Variants in PITPNC1 observed in about 807,000 individuals in gnomAD.
The protein encoded by PITPNC1 is phosphatidylinositol transfer protein cytoplasmic 1, also known as cytoplasmic phosphatidylinositol transfer protein 1.
In PITPNC1, 18 loss-of-function variants were observed where a neutral mutation model predicts 44.7. That is an observed-to-expected ratio of 0.40 (90% confidence interval 0.28 to 0.60). PITPNC1 has a LOEUF of 0.60. Ranked by LOEUF, PITPNC1 falls within the 20% of genes least tolerant of loss-of-function variation. The pLI, the probability that PITPNC1 is intolerant of heterozygous loss-of-function variation, is 0.39. For synonymous variants in PITPNC1, 141 were observed against 149.6 expected (o/e 0.94, Z 0.42); for missense variants, 290 against 418.4 (o/e 0.69, Z 2.68).
At chr17:67,425,241 A>ACACACG (rs2038743237) in intron 1 of PITPNC1, among the ~76,000 whole-genome samples, 2 of 140,226 alleles carry the variant, frequency 1.4e-5, no homozygotes, top group Admixed American at 7.2e-5. Flanking sequence ...ACACACACAC[A>ACACACG]CACACACACA....
intron 2 of PITPNC1, among the ~76,000 whole-genome samples, chr17:67,539,763 G>A (rs941816528): frequency 2.0e-5 from 3 of 152,052 alleles, no homozygotes; most frequent in African/African-American, 4.8e-5. Context: ...GCGTGAACCC[G>A]GGAGGTGGAG....
At chr17:67,426,785 TATC>T (rs931683836) in intron 1 of PITPNC1, among the ~76,000 whole-genome samples, 2 of 152,190 alleles carry the variant, frequency 1.3e-5, no homozygotes, top group African/African-American at 2.4e-5. Context: ...CATATTTATG[TATC>T]ATCATGATTT....
intron 2 of PITPNC1, among the ~76,000 whole-genome samples, chr17:67,548,694 A>T (rs1201727011): frequency 6.6e-6 from 1 of 152,126 alleles, no homozygotes; most frequent in Non-Finnish European, 1.5e-5. Context: ...TTGTGGTATC[A>T]TTTTGCCCCT....
At chr17:67,472,082 G>A (rs911522193) in intron 1 of PITPNC1, among the ~76,000 whole-genome samples, 1 of 151,944 alleles carries the variant, frequency 6.6e-6, no homozygotes, top group Non-Finnish European at 1.5e-5. Context: ...CCCCAGAGGT[G>A]AAATGGCCTT....
intron 1 of PITPNC1, among the ~76,000 whole-genome samples, chr17:67,447,846 C>CTCTT (rs752331834): frequency 5.2e-4 from 76 of 147,328 alleles, no homozygotes; most frequent in Non-Finnish European, 9.0e-4. Context: ...TCCCAGCTAT[C>CTCTT]TCTTTCTTTC....
chr17:67,408,803 G>T (rs2038445440), intron 1 of PITPNC1: 1 of 39,926 alleles, frequency 2.5e-5, no homozygotes, highest in Non-Finnish European at 4.8e-5. Context: ...AGTAAGAAAG[G>T]GGGAAAGAAT....
intron 8 of PITPNC1, among the ~76,000 whole-genome samples, chr17:67,684,942 CAAAAA>C (rs1339448846): frequency 6.6e-6 from 1 of 152,126 alleles, no homozygotes; most frequent in Non-Finnish European, 1.5e-5. Flanking sequence ...TTCAATAGAA[CAAAAA>C]AACCTATAAC....
intron 6 of PITPNC1, among the ~76,000 whole-genome samples, chr17:67,653,370 G>A (rs1404102545): frequency 6.6e-6 from 1 of 152,204 alleles, no homozygotes; most frequent in African/African-American, 2.4e-5. Context: ...CTTCACTCCA[G>A]TGATGCTTCT....
chr17:67,590,597 C>G (rs2041376489), intron 5 of PITPNC1, among the ~76,000 whole-genome samples: 2 of 152,114 alleles, frequency 1.3e-5, no homozygotes. Flanking sequence ...TGATGAGGAA[C>G]AGGATATTTA....
At chr17:67,665,792 C>T (rs1160376507) in intron 6 of PITPNC1, among the ~76,000 whole-genome samples, 1 of 152,106 alleles carries the variant, frequency 6.6e-6, no homozygotes, top group African/African-American at 2.4e-5. Context: ...AAGGAGGAGC[C>T]CTCATTCTGA....
At chr17:67,428,060 T>C (rs1327817260) in intron 1 of PITPNC1, among the ~76,000 whole-genome samples, 1 of 152,164 alleles carries the variant, frequency 6.6e-6, no homozygotes, top group Non-Finnish European at 1.5e-5. Flanking sequence ...ACAGGCAACA[T>C]CATTGCACAC....
At chr17:67,465,546 A>C (rs1426999697) in intron 1 of PITPNC1, among the ~76,000 whole-genome samples, 1 of 152,148 alleles carries the variant, frequency 6.6e-6, no homozygotes, top group East Asian at 1.9e-4. Context: ...AACTAGCAAA[A>C]TCAGCTTTTT....
At chr17:67,549,802 G>T (rs767708008) in intron 2 of PITPNC1, among the ~76,000 whole-genome samples, 2 of 152,126 alleles carry the variant, frequency 1.3e-5, no homozygotes, top group South Asian at 4.2e-4. Flanking sequence ...CTTTAATACC[G>T]TAGGGAGACA....
intron 1 of PITPNC1, among the ~76,000 whole-genome samples, chr17:67,398,866 T>C (rs2038261863): frequency 6.6e-6 from 1 of 152,050 alleles, no homozygotes; most frequent in African/African-American, 2.4e-5. Context: ...AAAACGACAA[T>C]GTTTTTGATT....
At chr17:67,602,127 T>G (rs1259184661) in intron 5 of PITPNC1, among the ~76,000 whole-genome samples, 1 of 152,238 alleles carries the variant, frequency 6.6e-6, no homozygotes, top group African/African-American at 2.4e-5. Context: ...TTTTCCCAGC[T>G]GTGCTTTGCA....
chr17:67,429,580 C>T (rs937559726), intron 1 of PITPNC1, among the ~76,000 whole-genome samples: 1 of 151,976 alleles, frequency 6.6e-6, no homozygotes, highest in Non-Finnish European at 1.5e-5. Flanking sequence ...TGCCTATAAT[C>T]GTAGCTACTC....
chr17:67,525,346 C>T (rs939728597), intron 1 of PITPNC1: 1 of 152,234 alleles, frequency 6.6e-6, no homozygotes, highest in African/African-American at 2.4e-5. Flanking sequence ...GTTACACAGT[C>T]TCTCAAAGTA....
chr17:67,484,660 G>A lies in PITPNC1; in HGVS notation c.49-48142G>A, dbSNP rs892814827. ...AAGATTTTCATGAAAACTTCTAGCC[G>A]GGCACAGTGGCTCATGCCTGTAATC... On this transcript the variant is annotated intron_variant, in intron 1 of 8. Transcript: ENST00000581322. Among the ~76,000 whole-genome samples the A allele has an allele frequency of 5.3e-5, 8 of 152,148 alleles. No homozygotes were observed. In the South Asian group the frequency reaches 6.2e-4, roughly 12 times the overall value.
At chr17:67,462,225 CTTTTTTTT>C (rs549707875) in intron 1 of PITPNC1, among the ~76,000 whole-genome samples, 151 of 71,240 alleles carry the variant, frequency 2.1e-3, no homozygotes, top group Non-Finnish European at 3.2e-3. Context: ...TTCTTTCTTT[CTTTTTTTT>C]TTTTTTTTTT....
Sources: allele counts gnomAD v4.1 joint callset (sites outside exome capture counted in the v4.1 genomes callset), GRCh38; gene constraint gnomAD v4.1.1; transcripts MANE v1.5; gene names NCBI Gene and HGNC (gene_info 2026-07-23, HGNC 2026-07-21).